STXBP5L: variants seen among roughly 807,000 people sequenced by gnomAD.
STXBP5L encodes the protein syntaxin-binding protein 5-like.
In STXBP5L, 65 loss-of-function variants were observed where a neutral mutation model predicts 144.5. The ratio of observed to expected loss-of-function variants is 0.45; its 90% CI spans 0.37 to 0.55. STXBP5L has a LOEUF of 0.55. Among genes scored for constraint, STXBP5L ranks in the 20% least tolerant of loss-of-function variants. The pLI, the probability that STXBP5L is intolerant of heterozygous loss-of-function variation, is 0.00. For synonymous variants in STXBP5L, 505 were observed against 469.6 expected, an observed-to-expected ratio of 1.08 and a Z score of -0.97; for missense variants, 1,298 against 1,405.5, an observed-to-expected ratio of 0.92 and a Z score of 1.22.
chr3:121,111,011 C>G (rs1422771551), intron 5 of STXBP5L, among the ~76,000 whole-genome samples: 1 of 152,050 alleles, frequency 6.6e-6, no homozygotes, highest in Non-Finnish European at 1.5e-5. Context: ...AAATTCTTTC[C>G]TCCGCTTGGT....
intron 3 of STXBP5L, among the ~76,000 whole-genome samples, chr3:120,959,732 T>G (rs762698676): frequency 3.9e-5 from 6 of 152,192 alleles, no homozygotes; most frequent in Non-Finnish European, 8.8e-5. Flanking sequence ...ATCCCTTCCT[T>G]ACACCTTATA....
chr3:121,250,139 G>T (rs2049983832), intron 14 of STXBP5L, among the ~76,000 whole-genome samples: 1 of 151,868 alleles, frequency 6.6e-6, no homozygotes, highest in Non-Finnish European at 1.5e-5. Context: ...AGGAATATCG[G>T]TTTGTAATTT....
At chr3:120,987,897 G>T (rs918073687) in intron 3 of STXBP5L, among the ~76,000 whole-genome samples, 2 of 151,596 alleles carry the variant, frequency 1.3e-5, no homozygotes. Flanking sequence ...TTAAATGTTT[G>T]GTAGAATTCT....
At chr3:120,950,206 G>A (rs370227161) in intron 2 of STXBP5L, among the ~76,000 whole-genome samples, 1 of 152,070 alleles carries the variant, frequency 6.6e-6, no homozygotes, top group East Asian at 1.9e-4. Flanking sequence ...TATGTTATAA[G>A]TAAGGGATTT....
chr3:121,011,042 GTCTT>G (rs1944736487), intron 3 of STXBP5L, among the ~76,000 whole-genome samples: 2 of 150,316 alleles, frequency 1.3e-5, no homozygotes, highest in Admixed American at 1.3e-4. Context: ...TCATTTGGTT[GTCTT>G]TCTTGTATTA....
intron 5 of STXBP5L, among the ~76,000 whole-genome samples, chr3:121,070,197 G>T (rs1400350129): frequency 2.0e-5 from 3 of 152,198 alleles, no homozygotes; most frequent in African/African-American, 7.2e-5. Context: ...TCTTAAGGTG[G>T]GAACTACGTG....
intron 3 of STXBP5L, among the ~76,000 whole-genome samples, chr3:121,030,191 G>T (rs559727978): frequency 6.6e-6 from 1 of 152,106 alleles, no homozygotes; most frequent in Non-Finnish European, 1.5e-5. Context: ...TATACCCAAA[G>T]GATTATAAAT....
chr3:121,024,361 G>T (rs149171612), intron 3 of STXBP5L, among the ~76,000 whole-genome samples: 7 of 152,212 alleles, frequency 4.6e-5, no homozygotes, highest in Admixed American at 1.3e-4. Flanking sequence ...GTCTAGAGTG[G>T]CTTTACTTTA....
intron 8 of STXBP5L, among the ~76,000 whole-genome samples, chr3:121,152,851 C>A (rs990139478): frequency 6.6e-6 from 1 of 152,032 alleles, no homozygotes; most frequent in African/African-American, 2.4e-5. Context: ...TGCCTGTCAC[C>A]TGTACTATAT....
intron 3 of STXBP5L, among the ~76,000 whole-genome samples, chr3:121,020,343 G>A (rs554288695): frequency 2.6e-5 from 4 of 152,200 alleles, no homozygotes; most frequent in Admixed American, 1.3e-4. Flanking sequence ...CATATTTGAG[G>A]GAATAATCAA....
chr3:120,990,071 C>T (rs1008438476), intron 3 of STXBP5L, among the ~76,000 whole-genome samples: 8 of 152,142 alleles, frequency 5.3e-5, no homozygotes, highest in African/African-American at 1.7e-4. Context: ...ATTGTCTCAG[C>T]CCAAAATCTC....
chr3:121,346,431 T>C (rs1401994802), intron 20 of STXBP5L, among the ~76,000 whole-genome samples: 1 of 152,178 alleles, frequency 6.6e-6, no homozygotes. Flanking sequence ...TGTGTCTTTA[T>C]AGCAGCATTA....
At chr3:120,995,729 C>T (rs1576607034) in intron 3 of STXBP5L, among the ~76,000 whole-genome samples, 1 of 151,996 alleles carries the variant, frequency 6.6e-6, no homozygotes, top group Non-Finnish European at 1.5e-5. Context: ...TTTTTACATA[C>T]ATTGAGCGCC....
intron 9 of STXBP5L, among the ~76,000 whole-genome samples, chr3:121,180,105 C>G (rs1348097290): frequency 6.6e-6 from 1 of 152,036 alleles, no homozygotes; most frequent in Non-Finnish European, 1.5e-5. Flanking sequence ...AAATTCATCA[C>G]AAAAAAGATC....
intron 19 of STXBP5L, among the ~76,000 whole-genome samples, chr3:121,313,386 G>T (rs1466477531): frequency 1.6e-5 from 2 of 125,642 alleles, no homozygotes; most frequent in African/African-American, 6.3e-5. Flanking sequence ...CTGGCCGGGC[G>T]GGGGGCTGAC....
At chr3:121,369,527 G>A (rs1445233711) in intron 20 of STXBP5L, among the ~76,000 whole-genome samples, 1 of 151,904 alleles carries the variant, frequency 6.6e-6, no homozygotes, top group African/African-American at 2.4e-5. Flanking sequence ...GTTGGCCACT[G>A]GAGGTTTATT....
intron 7 of STXBP5L, among the ~76,000 whole-genome samples, chr3:121,131,142 C>T (rs1314041128): frequency 1.3e-5 from 2 of 152,034 alleles, no homozygotes; most frequent in Non-Finnish European, 2.9e-5. Context: ...CAACATCCAA[C>T]CTAATCAAGA....
At chr3:121,036,372 G>A (rs1242224698) in intron 3 of STXBP5L, among the ~76,000 whole-genome samples, 1 of 151,992 alleles carries the variant, frequency 6.6e-6, no homozygotes, top group African/African-American at 2.4e-5. Context: ...CTTATTATTT[G>A]TTTCAGTAAT....
chr3:120,943,213 A>G (rs894625824), intron 2 of STXBP5L, among the ~76,000 whole-genome samples: 1 of 151,894 alleles, frequency 6.6e-6, no homozygotes, highest in South Asian at 2.1e-4. Flanking sequence ...TAAAACAAAC[A>G]ATCAGAATTA....
Sources: allele counts gnomAD v4.1 joint callset (sites outside exome capture counted in the v4.1 genomes callset), GRCh38; gene constraint gnomAD v4.1.1; transcripts MANE v1.5; gene names NCBI Gene and HGNC (gene_info 2026-07-23, HGNC 2026-07-21).